The following FALEC variants were observed in gnomAD, a reference collection of about 807,000 sequenced individuals.
FALEC encodes focally amplified lncRNA regulator of ECM1.
At chr1:150,531,161 A>G in the FALEC span, among the ~76,000 whole-genome samples, 1 of 152,228 alleles carries the variant, frequency 6.6e-6, no homozygotes, top group Admixed American at 6.5e-5. Flanking sequence ...ACACTAAGAA[A>G]CTGATTATAC....
chr1:150,532,971 C>T, the FALEC span, among the ~76,000 whole-genome samples: 1 of 152,148 alleles, frequency 6.6e-6, no homozygotes, highest in South Asian at 2.1e-4. Context: ...CTTTTCCAGG[C>T]ATGGGGAACA....
At chr1:150,535,089 G>A in the FALEC span, among the ~76,000 whole-genome samples, 2 of 152,270 alleles carry the variant, frequency 1.3e-5, no homozygotes, top group East Asian at 3.9e-4. Context: ...CAGCACTTGG[G>A]TAAACCAAAG....
At chr1:150,525,431 G>C in the FALEC span, among the ~76,000 whole-genome samples, 1 of 151,988 alleles carries the variant, frequency 6.6e-6, no homozygotes, top group Non-Finnish European at 1.5e-5. Context: ...CACCAGCCTG[G>C]GTCCCAGAGT....
the FALEC span, among the ~76,000 whole-genome samples, chr1:150,535,346 C>A: frequency 1.3e-5 from 2 of 152,252 alleles, no homozygotes; most frequent in Admixed American, 1.3e-4. Context: ...CAGGTTCAAG[C>A]AATTCTCCTG....
chr1:150,526,497 C>T, the FALEC span, among the ~76,000 whole-genome samples: 4 of 151,348 alleles, frequency 2.6e-5, no homozygotes, highest in Non-Finnish European at 4.4e-5. Flanking sequence ...CTGCACACGG[C>T]GAGTATGTCG....
the FALEC span, among the ~76,000 whole-genome samples, chr1:150,528,454 C>T: frequency 1.3e-5 from 2 of 152,098 alleles, no homozygotes; most frequent in African/African-American, 4.8e-5. Context: ...ACATGTCATC[C>T]CTGAAGTCTC....
chr1:150,522,979 ATATATTT>A (rs1454248295), downstream of FALEC, among the ~76,000 whole-genome samples: 2 of 22,880 alleles, frequency 8.7e-5, no homozygotes, highest in African/African-American at 4.3e-4. Context: ...ATATATATAT[ATATATTT>A]TTTTTTTTTT....
downstream of FALEC, among the ~76,000 whole-genome samples, chr1:150,521,968 G>C (rs1049649018): frequency 6.6e-6 from 1 of 152,176 alleles, no homozygotes. Flanking sequence ...AAGCCACCCA[G>C]GTGTGGTGGC....
the FALEC span, among the ~76,000 whole-genome samples, chr1:150,534,043 G>A: frequency 6.6e-6 from 1 of 152,222 alleles, no homozygotes; most frequent in South Asian, 2.1e-4. Flanking sequence ...GGCATGGCAG[G>A]AACCTGCAGG....
At chr1:150,523,294 A>G in the FALEC span, among the ~76,000 whole-genome samples, 2 of 149,970 alleles carry the variant, frequency 1.3e-5, no homozygotes, top group African/African-American at 4.9e-5. Context: ...CGCCTGGCAT[A>G]TATTATTAAA....
chr1:150,530,368 A>G, the FALEC span, among the ~76,000 whole-genome samples: 16 of 152,116 alleles, frequency 1.1e-4, no homozygotes, highest in East Asian at 2.9e-3. Flanking sequence ...GTTACAGACA[A>G]TTTTTTTGCT....
downstream of FALEC, among the ~76,000 whole-genome samples, chr1:150,519,571 T>C (rs1225661226): frequency 6.6e-6 from 1 of 151,250 alleles, no homozygotes; most frequent in Admixed American, 6.6e-5. Flanking sequence ...AAATACAAAA[T>C]TAGGGCCAGG....
intron 1 of FALEC, among the ~76,000 whole-genome samples, chr1:150,516,592 G>A (rs192653990): frequency 7.2e-4 from 109 of 152,318 alleles, no homozygotes; most frequent in South Asian, 1.0e-3. Context: ...GCAATAAAAG[G>A]TGAACGTGTT....
chr1:150,536,614 C>A, the FALEC span, among the ~76,000 whole-genome samples: 5 of 152,106 alleles, frequency 3.3e-5, no homozygotes, highest in Admixed American at 3.3e-4. Flanking sequence ...ACAGGAAGAA[C>A]CTTGTCTCTA....
At chr1:150,518,667 C>T (rs1306056367), downstream of FALEC, among the ~76,000 whole-genome samples, 14 of 151,734 alleles carry the variant, frequency 9.2e-5, no homozygotes, top group Admixed American at 7.2e-4. Flanking sequence ...GGATTATAAG[C>T]GTGAGCCACC....
At chr1:150,522,073 C>T (rs1197611739), downstream of FALEC, among the ~76,000 whole-genome samples, 3 of 151,246 alleles carry the variant, frequency 2.0e-5, no homozygotes, top group South Asian at 2.1e-4. Context: ...GGTGAAACCC[C>T]GTCTCTACTA....
chr1:150,529,555 C>CT, the FALEC span, among the ~76,000 whole-genome samples: 1 of 152,156 alleles, frequency 6.6e-6, no homozygotes, highest in Non-Finnish European at 1.5e-5. Context: ...CCCCTATGGC[C>CT]TGCTTGCCTA....
chr1:150,522,644 T>G (rs1440427744), downstream of FALEC, among the ~76,000 whole-genome samples: 1 of 149,990 alleles, frequency 6.7e-6, no homozygotes, highest in Non-Finnish European at 1.5e-5. Context: ...AAACAAGAAG[T>G]TGGCAGCACT....
chr1:150,518,370 G>T (rs1670597121), downstream of FALEC, among the ~76,000 whole-genome samples: 1 of 149,092 alleles, frequency 6.7e-6, no homozygotes, highest in African/African-American at 2.5e-5. Flanking sequence ...AGTCTAATCA[G>T]TCGCCAAGTC....
Sources: allele counts gnomAD v4.1 joint callset (sites outside exome capture counted in the v4.1 genomes callset), GRCh38; gene constraint gnomAD v4.1.1; transcripts MANE v1.5; gene names NCBI Gene and HGNC (gene_info 2026-07-23, HGNC 2026-07-21).